LDLRAD4: variants seen among roughly 807,000 people sequenced by gnomAD.
LDLRAD4 encodes the protein low-density lipoprotein receptor class A domain-containing protein 4.
In LDLRAD4, 5 loss-of-function variants were observed where a neutral mutation model predicts 17.0. The observed-to-expected ratio is 0.29, with a 90% CI of 0.15 to 0.62. LDLRAD4 has a LOEUF of 0.62. LDLRAD4 is among the 20% of genes least tolerant of loss of function. LDLRAD4 has a pLI of 0.84. For missense variants in LDLRAD4, 340 were observed against 424.7 expected, an observed-to-expected ratio of 0.80 and a Z score of 1.75; for synonymous variants, 168 against 171.8, an observed-to-expected ratio of 0.98 and a Z score of 0.17.
chr18:13,617,384 G>A (rs1391070888), intron 3 of LDLRAD4, among the ~76,000 whole-genome samples: 1 of 152,084 alleles, frequency 6.6e-6, no homozygotes, highest in African/African-American at 2.4e-5. Flanking sequence ...CAGACCAAAA[G>A]AGGAATAAAA....
intron 1 of LDLRAD4, among the ~76,000 whole-genome samples, chr18:13,349,757 A>G (rs2082932273): frequency 6.6e-6 from 1 of 151,992 alleles, no homozygotes; most frequent in Non-Finnish European, 1.5e-5. Flanking sequence ...TGCATTAGCT[A>G]TTTGTTCTAA....
At chr18:13,339,891 A>G (rs909471494) in intron 1 of LDLRAD4, among the ~76,000 whole-genome samples, 1 of 152,270 alleles carries the variant, frequency 6.6e-6, no homozygotes, top group Middle Eastern at 3.4e-3. Flanking sequence ...TATCTTCAGA[A>G]CTTTTTCTTT....
At chr18:13,581,561 G>A (rs1004549486) in intron 3 of LDLRAD4, among the ~76,000 whole-genome samples, 1 of 152,160 alleles carries the variant, frequency 6.6e-6, no homozygotes, top group Non-Finnish European at 1.5e-5. Flanking sequence ...CTATAAAATT[G>A]CATCTTAGCA....
chr18:13,612,894 C>A (rs2039735703), intron 3 of LDLRAD4: 8 of 1,192,012 alleles, frequency 6.7e-6, no homozygotes, highest in African/African-American at 1.5e-5. Context: ...CAAGAAGTTT[C>A]TTTCTACCTA....
intron 3 of LDLRAD4, among the ~76,000 whole-genome samples, chr18:13,578,731 T>C (rs2094809802): frequency 1.3e-5 from 2 of 151,678 alleles, no homozygotes; most frequent in African/African-American, 4.9e-5. Context: ...TTTTGTTTTT[T>C]GCTAGGATGA....
intron 1 of LDLRAD4, among the ~76,000 whole-genome samples, chr18:13,246,977 G>C (rs1006885124): frequency 2.0e-5 from 3 of 150,108 alleles, no homozygotes; most frequent in Non-Finnish European, 4.4e-5. Flanking sequence ...TAGAACATGA[G>C]TATTCACTGC....
intron 4 of LDLRAD4, among the ~76,000 whole-genome samples, chr18:13,640,518 G>T (rs1213910120): frequency 6.6e-6 from 1 of 152,168 alleles, no homozygotes; most frequent in Non-Finnish European, 1.5e-5. Context: ...CTCCAGGCTT[G>T]GTTCTCAGGC....
chr18:13,378,621 C>T (rs2085107297), intron 1 of LDLRAD4, among the ~76,000 whole-genome samples: 1 of 152,052 alleles, frequency 6.6e-6, no homozygotes, highest in South Asian at 2.1e-4. Flanking sequence ...GAAAAAAAGC[C>T]AATCAAATAT....
intron 3 of LDLRAD4, among the ~76,000 whole-genome samples, chr18:13,516,265 GT>G (rs2093865130): frequency 1.3e-5 from 2 of 152,230 alleles, no homozygotes. Context: ...GCAAATACAA[GT>G]GACAGTAACA....
intron 2 of LDLRAD4, among the ~76,000 whole-genome samples, chr18:13,388,306 C>T (rs2085982795): frequency 6.6e-6 from 1 of 152,226 alleles, no homozygotes; most frequent in African/African-American, 2.4e-5. Flanking sequence ...ACCACACAGT[C>T]TGGCTGGTGC....
At chr18:13,444,452 T>C (rs549033703) in intron 3 of LDLRAD4, among the ~76,000 whole-genome samples, 2 of 152,280 alleles carry the variant, frequency 1.3e-5, no homozygotes, top group South Asian at 2.1e-4. Flanking sequence ...ACAAAATGTG[T>C]GTTAATCGAC....
intron 1 of LDLRAD4, among the ~76,000 whole-genome samples, chr18:13,303,363 A>G (rs550524662): frequency 6.6e-6 from 1 of 152,280 alleles, no homozygotes; most frequent in African/African-American, 2.4e-5. Flanking sequence ...TTTCCTCCTC[A>G]GCCTCCTGAG....
intron 3 of LDLRAD4, among the ~76,000 whole-genome samples, chr18:13,570,932 C>T (rs1264551789): frequency 1.3e-5 from 2 of 152,180 alleles, no homozygotes; most frequent in African/African-American, 4.8e-5. Context: ...AATCTTCTTG[C>T]CTCAGCTTCT....
intron 1 of LDLRAD4, among the ~76,000 whole-genome samples, chr18:13,233,011 G>A (rs149810766): frequency 1.3e-5 from 2 of 152,336 alleles, no homozygotes; most frequent in African/African-American, 4.8e-5. Context: ...CAGGTGAGGC[G>A]CTTTCTGATC....
In LDLRAD4 at chr18:13,500,202, C is replaced by T. The variant is rs575893817; in HGVS notation, c.181+61818C>T. On this transcript the variant is annotated intron_variant, in intron 3 of 5. Coordinates refer to ENST00000359446, the Ensembl canonical transcript of LDLRAD4. Reference sequence around the variant, plus strand: ...AACCTCATGGAGTCACTGTGCAGACCCTCTCAGCAGCTAGCCAGGCTGGCC... The same window carrying T: ...AACCTCATGGAGTCACTGTGCAGACTCTCTCAGCAGCTAGCCAGGCTGGCC... Among the ~76,000 whole-genome samples the T allele has an allele frequency of 2.6e-5, 4 of 152,190 alleles. No homozygotes were observed. The South Asian group carries it at 6.2e-4, about 24-fold the overall frequency.
intron 1 of LDLRAD4, among the ~76,000 whole-genome samples, chr18:13,377,358 A>G (rs1448996199): frequency 3.3e-5 from 5 of 152,316 alleles, no homozygotes; most frequent in Admixed American, 6.5e-5. Context: ...GTCTGCCTCA[A>G]TGATGGTTTT....
chr18:13,437,753 C>A (rs537630735), intron 2 of LDLRAD4, among the ~76,000 whole-genome samples: 59 of 152,342 alleles, frequency 3.9e-4, no homozygotes, highest in Non-Finnish European at 7.8e-4. Flanking sequence ...TCCAGATTCT[C>A]ACCACAGGAC....
intron 1 of LDLRAD4, among the ~76,000 whole-genome samples, chr18:13,376,347 C>G (rs2084909525): frequency 6.6e-6 from 1 of 152,184 alleles, no homozygotes; most frequent in Non-Finnish European, 1.5e-5. Flanking sequence ...GGCGGTCAGG[C>G]TGGCGCGGCC....
chr18:13,510,116 G>A (rs2093754145), intron 3 of LDLRAD4, among the ~76,000 whole-genome samples: 1 of 152,212 alleles, frequency 6.6e-6, no homozygotes, highest in South Asian at 2.1e-4. Flanking sequence ...GCATCTCCGA[G>A]TATGTCTGTG....
Sources: gnomAD v4.1 joint callset for allele counts (sites outside exome capture counted in the v4.1 genomes callset) on GRCh38, gnomAD v4.1.1 for gene constraint, MANE v1.5 for transcripts, NCBI Gene and HGNC (gene_info 2026-07-23, HGNC 2026-07-21) for gene names.